Variants in GPD2 observed in about 807,000 individuals in gnomAD.
GPD2 encodes glycerol-3-phosphate dehydrogenase, mitochondrial.
Under a neutral mutation model 82.4 loss-of-function variants are expected in GPD2, and 54 were observed. That is an observed-to-expected ratio of 0.66 (90% CI 0.53 to 0.82). The LOEUF is 0.82. Ranked by LOEUF, GPD2 falls within the 40% of genes least tolerant of loss-of-function variation. GPD2 has a pLI of 0.00. For synonymous variants in GPD2, 288 were observed against 306.1 expected (o/e 0.94, Z 0.62); for missense variants, 748 against 896.2 (o/e 0.83, Z 2.11).
intron 2 of GPD2, among the ~76,000 whole-genome samples, chr2:156,481,083 A>C (rs1466015489): frequency 1.3e-5 from 2 of 152,116 alleles, no homozygotes. Flanking sequence ...CAGTCTCTGC[A>C]GACTGCCTGC....
rs1465080694 is a variant in GPD2 at position 156,530,021 on chromosome 2, A to T, written c.661+16525A>T. On this transcript the variant is annotated intron_variant, in intron 6 of 16. Transcript: ENST00000438166. ...GGGGATGGCATTGAATCTGTAAATT[A>T]CCTTGGGCAGTATGGCCATTTTCAC... 3.3e-5 allele frequency among the ~76,000 whole-genome samples: 5 copies of T among 151,134 alleles called. No homozygotes were observed. In the East Asian group the frequency reaches 9.7e-4, roughly 29 times the overall value.
chr2:156,470,555 A>G (rs1683294240), intron 1 of GPD2, among the ~76,000 whole-genome samples: 1 of 152,232 alleles, frequency 6.6e-6, no homozygotes, highest in African/African-American at 2.4e-5. Context: ...GGCTTCTGGA[A>G]GAGAGAAGAC....
At chr2:156,485,327 G>A (rs1683899744) in intron 2 of GPD2, among the ~76,000 whole-genome samples, 1 of 152,218 alleles carries the variant, frequency 6.6e-6, no homozygotes. Context: ...TGCTTAAAGA[G>A]CCATCAGCGT....
At chr2:156,453,801 C>T (rs766742413) in intron 1 of GPD2, among the ~76,000 whole-genome samples, 6 of 152,082 alleles carry the variant, frequency 3.9e-5, no homozygotes, top group Non-Finnish European at 5.9e-5. Context: ...CGCTTGAACC[C>T]GGGAGGTGGA....
the GPD2 span, among the ~76,000 whole-genome samples, chr2:156,406,392 T>C: frequency 2.0e-5 from 3 of 152,146 alleles, no homozygotes; most frequent in Non-Finnish European, 1.5e-5. Context: ...ATCCAATTAG[T>C]CAACAAGCCT....
chr2:156,426,314 A>G, the GPD2 span, among the ~76,000 whole-genome samples: 2 of 152,248 alleles, frequency 1.3e-5, no homozygotes, highest in South Asian at 4.1e-4. Context: ...TCACGGCAGA[A>G]GGTGAAGGGG....
intron 2 of GPD2, among the ~76,000 whole-genome samples, chr2:156,491,946 G>A (rs571677293): frequency 1.3e-5 from 2 of 151,260 alleles, no homozygotes; most frequent in Non-Finnish European, 2.9e-5. Flanking sequence ...CTTGAACCCG[G>A]GTGACAGAGG....
In GPD2 at chr2:156,456,595, CA is replaced by C. The variant is rs760885784; in HGVS notation, c.-8-19490del. On this transcript the variant is annotated intron_variant, in intron 1 of 16. Transcript: ENST00000438166. ...TGGGCAACGGAGTGCGACTCTGTCT[CA>C]AAAAAAAAAAAAGTTGGTCTTCTTG... 1.0e-2 allele frequency among the ~76,000 whole-genome samples: 1,356 copies of C among 135,962 alleles called. 4 individuals are homozygous for C. The highest frequency in any genetic ancestry group is 0.014 in the Non-Finnish European group (850 of 62,482). The allele number at this position is 135,962 out of a possible 152,430, so 89.2% of individuals were successfully genotyped here.
intron 2 of GPD2, among the ~76,000 whole-genome samples, chr2:156,481,461 C>T (rs1172355166): frequency 6.9e-6 from 1 of 145,444 alleles, no homozygotes; most frequent in Non-Finnish European, 1.6e-5. Flanking sequence ...CTTCCCCCTC[C>T]CCTCCCCTTT....
At chr2:156,555,608 G>A (rs1686934551) in intron 8 of GPD2, among the ~76,000 whole-genome samples, 1 of 152,058 alleles carries the variant, frequency 6.6e-6, no homozygotes, top group Non-Finnish European at 1.5e-5. Context: ...AGTGACTGAT[G>A]TAATCTAAGG....
At chr2:156,401,230 T>C in the GPD2 span, among the ~76,000 whole-genome samples, 7 of 152,214 alleles carry the variant, frequency 4.6e-5, 1 homozygote, top group Admixed American at 1.3e-4. Context: ...ATAGCAAATG[T>C]GCTTTTCTAT....
In GPD2 at chr2:156,443,563, C is replaced by A. The variant is rs182957539; in HGVS notation, c.-9+7050C>A. ...CATCTTTTTTTAGGCATCTCCCTCC[C>A]TACACATTTGGCAGTTTTAATCTTT... On this transcript the variant is annotated intron_variant, in intron 1 of 16. Transcript: ENST00000438166. Among the ~76,000 whole-genome samples the A allele has an allele frequency of 1.9e-3, 285 of 152,304 alleles. 1 individual carries two copies. The highest frequency in any genetic ancestry group is 6.7e-3 in the African/African-American group (278 of 41,560).
chr2:156,533,684 A>G (rs539039487), intron 6 of GPD2, among the ~76,000 whole-genome samples: 2 of 152,350 alleles, frequency 1.3e-5, no homozygotes, highest in South Asian at 2.1e-4. Context: ...GGTGTGCCCA[A>G]TGTAGGTCTA....
chr2:156,572,606 A>C (rs1185576169), intron 13 of GPD2, among the ~76,000 whole-genome samples: 1 of 152,198 alleles, frequency 6.6e-6, no homozygotes, highest in Admixed American at 6.6e-5. Context: ...TATTTAAGCC[A>C]TCAGACTGGA....
chr2:156,458,596 A>C (rs1682866234), intron 1 of GPD2, among the ~76,000 whole-genome samples: 2 of 152,208 alleles, frequency 1.3e-5, no homozygotes, highest in African/African-American at 4.8e-5. Context: ...GATTCCTAAT[A>C]AATTGTAAAG....
At chr2:156,467,476 T>C (rs553538486) in intron 1 of GPD2, among the ~76,000 whole-genome samples, 107 of 152,352 alleles carry the variant, frequency 7.0e-4, no homozygotes, top group African/African-American at 2.4e-3. Context: ...CGGAAAAGCC[T>C]TTTTGTTTGT....
the GPD2 span, among the ~76,000 whole-genome samples, chr2:156,402,206 T>C: frequency 6.6e-6 from 1 of 152,194 alleles, no homozygotes; most frequent in African/African-American, 2.4e-5. Context: ...TCACTGTGTA[T>C]TGAAACTCAA....
At chr2:156,546,999 A>G (rs1201830980) in intron 6 of GPD2, among the ~76,000 whole-genome samples, 2 of 152,220 alleles carry the variant, frequency 1.3e-5, no homozygotes, top group East Asian at 1.9e-4. Flanking sequence ...TAACTAGAAA[A>G]AAAACAAAGA....
chr2:156,569,057 G>T, intron 10 of GPD2, 98 bp downstream of exon 10: 1 of 994,510 alleles, frequency 1.0e-6, no homozygotes, highest in Admixed American at 2.0e-5. Flanking sequence ...TTGAACTCCT[G>T]GACTAAGGTG....
Sources: allele counts gnomAD v4.1 joint callset (sites outside exome capture counted in the v4.1 genomes callset), GRCh38; gene constraint gnomAD v4.1.1; transcripts MANE v1.5; gene names NCBI Gene and HGNC (gene_info 2026-07-23, HGNC 2026-07-21).